MROH1: variants seen among roughly 807,000 people sequenced by gnomAD.
The protein encoded by MROH1 is maestro heat-like repeat-containing protein family member 1.
A neutral mutation model predicts 116.5 loss-of-function variants in MROH1; 117 were observed. The observed-to-expected ratio is 1.00, with a 90% CI of 0.86 to 1.17. The LOEUF (loss-of-function observed/expected upper bound fraction) is 1.17. Ranked by LOEUF, MROH1 falls within the 50% of genes most tolerant of loss-of-function variation. The pLI, the probability that MROH1 is intolerant of heterozygous loss-of-function variation, is 0.00. For missense variants in MROH1, 1,873 were observed against 1,338.5 expected, an observed-to-expected ratio of 1.40 and a Z score of -6.23; for synonymous variants, 921 against 583.9, an observed-to-expected ratio of 1.58 and a Z score of -8.32.
intron 3 of MROH1, among the ~76,000 whole-genome samples, chr8:144,165,422 A>T (rs545641116): frequency 1.2e-4 from 18 of 152,030 alleles, no homozygotes; most frequent in African/African-American, 4.3e-4. Flanking sequence ...CACAGCCCAC[A>T]CCCAGCCTAT....
chr8:144,208,473 CTG>C (rs1454403638), intron 12 of MROH1, among the ~76,000 whole-genome samples: 1 of 149,964 alleles, frequency 6.7e-6, no homozygotes, highest in Non-Finnish European at 1.5e-5. Flanking sequence ...GTGTGCCTGT[CTG>C]TATCCCTATA....
intron 13 of MROH1, among the ~76,000 whole-genome samples, chr8:144,222,164 G>A (rs147331105): frequency 6.6e-6 from 1 of 152,302 alleles, no homozygotes; most frequent in African/African-American, 2.4e-5. Context: ...GCCAGGGTGA[G>A]CCCCAGACGG....
Position 144,247,294 on chromosome 8 carries a change from C to G in MROH1, c.2872-7C>G. 1 of 768,916 alleles carries G rather than the reference C, an allele frequency of 1.3e-6. No individual in the cohort carries two copies. Among genetic ancestry groups the G allele is most frequent in the Non-Finnish European group, 2.4e-6 (1 of 416,676 alleles). 47.6% of individuals were successfully genotyped at this position (768,916 alleles called of 1,614,324 possible). ...CATTCTAATAGCCCAGGCATCTCCT[C>G]CTCCAGGCCCTGGTGCCCTTCCACA... On this transcript the variant is annotated splice_region_variant and splice_polypyrimidine_tract_variant and intron_variant, in intron 29 of 43. Coordinates refer to ENST00000326134, the MANE Select transcript of MROH1 (RefSeq NM_032450.3).
At chr8:144,179,610 C>T (rs986739631) in intron 5 of MROH1, 24 bp downstream of exon 5, 9 of 1,583,036 alleles carry the variant, frequency 5.7e-6, no homozygotes, top group Non-Finnish European at 7.7e-6. Flanking sequence ...CCTCTGGCCT[C>T]GCAGACTCAG....
chr8:144,176,089 G>T (rs1001581030), intron 4 of MROH1, among the ~76,000 whole-genome samples: 11 of 151,526 alleles, frequency 7.3e-5, no homozygotes, highest in African/African-American at 2.4e-4. Flanking sequence ...AGGGCTGGGT[G>T]CAGCGGCTCA....
At chr8:144,252,896 C>T (rs1292164383) in intron 33 of MROH1, among the ~76,000 whole-genome samples, 1 of 151,958 alleles carries the variant, frequency 6.6e-6, no homozygotes, top group Non-Finnish European at 1.5e-5. Flanking sequence ...GCGGAAGATG[C>T]AGTGAGCCAT....
chr8:144,244,903 TCCCTC>T (rs1841636236), intron 28 of MROH1, among the ~76,000 whole-genome samples: 2 of 152,176 alleles, frequency 1.3e-5, no homozygotes, highest in African/African-American at 4.8e-5. Flanking sequence ...CTCCACCCTG[TCCCTC>T]CACAGTCCTG....
chr8:144,230,802 CTTTTTTTTT>C (rs1161687289), intron 14 of MROH1, among the ~76,000 whole-genome samples: 2 of 68,618 alleles, frequency 2.9e-5, no homozygotes, highest in East Asian at 4.6e-4. Context: ...AAAAGGTTTT[CTTTTTTTTT>C]TTTTTTTTTT....
At chr8:144,243,774 C>G (rs1223106571) in intron 25 of MROH1, 89 bp from the exon 26 acceptor site, 2 of 741,646 alleles carry the variant, frequency 2.7e-6, no homozygotes, top group African/African-American at 3.4e-5. Flanking sequence ...TCGGGCCCCG[C>G]CTGTCACTTA....
chr8:144,186,748 C>G (rs1032555612), intron 7 of MROH1, among the ~76,000 whole-genome samples: 1 of 152,188 alleles, frequency 6.6e-6, no homozygotes, highest in Non-Finnish European at 1.5e-5. Flanking sequence ...TCACACTGAT[C>G]GACATAAGAA....
intron 12 of MROH1, among the ~76,000 whole-genome samples, chr8:144,217,570 A>C (rs1314047995): frequency 3.3e-5 from 5 of 152,176 alleles, no homozygotes; most frequent in Admixed American, 2.0e-4. Flanking sequence ...TGACTCTCAC[A>C]GGGACCAAAC....
chr8:144,211,632 C>G (rs1459223511), intron 12 of MROH1, among the ~76,000 whole-genome samples: 2 of 151,240 alleles, frequency 1.3e-5, no homozygotes, highest in Non-Finnish European at 2.9e-5. Flanking sequence ...GAGGCTGAGG[C>G]AGAGAATCGC....
In MROH1 at chr8:144,239,724, G is replaced by A. The variant is rs1022518590; in HGVS notation, c.1743G>A (p.Thr581=). The A allele has an allele frequency of 9.7e-6, 7 of 721,028 alleles. No homozygotes were observed. The highest frequency in any genetic ancestry group is 1.7e-5 in the African/African-American group (1 of 57,452). The allele number at this position is 721,028 out of a possible 1,614,324, so 44.7% of individuals were successfully genotyped here. A position where few individuals can be genotyped will look rare whatever the true frequency, so the allele number is the denominator to read the frequency against. Reference sequence around the variant, plus strand: ...CTTTGCTGGGTCAGCATTGGGAAACGACTGTCCCGCTGCTGCTGGGGTACC... The same window carrying A: ...CTTTGCTGGGTCAGCATTGGGAAACAACTGTCCCGCTGCTGCTGGGGTACC... ...IHPLLGQHWE[T]TVPLLLGYLD... Residue 581 remains threonine, a synonymous_variant, in exon 18 of 44, where the codon ACG becomes ACA. Coordinates refer to ENST00000326134, the MANE Select transcript of MROH1 (RefSeq NM_032450.3).
chr8:144,256,160 T>C (rs1554832903), intron 35 of MROH1, among the ~76,000 whole-genome samples: 1 of 152,034 alleles, frequency 6.6e-6, no homozygotes, highest in Non-Finnish European at 1.5e-5. Flanking sequence ...CCCAGGTGCC[T>C]GACATGAAGC....
chr8:144,165,254 G>T (rs1014444154), intron 3 of MROH1, among the ~76,000 whole-genome samples: 2 of 151,986 alleles, frequency 1.3e-5, no homozygotes, highest in African/African-American at 4.8e-5. Context: ...GAGCAGCTGG[G>T]ATTACAGGTG....
chr8:144,191,891 G>A, intron 9 of MROH1, 36 bp downstream of exon 9: 1 of 1,611,014 alleles, frequency 6.2e-7, no homozygotes, highest in Non-Finnish European at 8.5e-7. Flanking sequence ...TGTCCCCGAG[G>A]ACCCCTCCAA....
At position 144,163,563 on chromosome 8, in the gene MROH1, G is replaced by T. The variant is rs1820072988; in HGVS notation, c.-56-208G>T. Among the ~76,000 whole-genome samples the T allele has an allele frequency of 1.3e-5, 2 of 152,166 alleles. No homozygotes were observed. On this transcript the variant is annotated intron_variant, in intron 2 of 43. Transcript: ENST00000326134. The surrounding 1 kb of genome is among the most constrained non-coding windows in gnomAD (Gnocchi z 4.4). ...AGTGAGGTGCTGGTAGGGACTGATG[G>T]GTGCTCAGGGATGGAGGAGAGCTGG... is the stretch of plus-strand genomic sequence containing the variant.
Position 144,248,924 on chromosome 8 carries a change from A to G in MROH1, c.3168A>G (p.Leu1056=). 1 of 776,760 alleles carries G rather than the reference A, an allele frequency of 1.3e-6. No individual in the cohort carries two copies. The highest frequency in any genetic ancestry group is 2.4e-6 in the Non-Finnish European group (1 of 416,218). The allele number at this position is 776,760 out of a possible 1,614,324, so 48.1% of individuals were successfully genotyped here. ...LPPDQLISLL[L]TMFEALGDPE... is the part of the protein sequence containing the mutation. Reference sequence around the variant, plus strand: ...CAGACCAGCTCATCAGCCTCTTGCTAACCATGTTTGAGGCCCTGGGAGACC... The same window carrying G: ...CAGACCAGCTCATCAGCCTCTTGCTGACCATGTTTGAGGCCCTGGGAGACC... The change falls in exon 32 of 44, where the codon CTA becomes CTG. Residue 1056 remains leucine, a synonymous_variant. Transcript: ENST00000326134.
intron 1 of MROH1, among the ~76,000 whole-genome samples, chr8:144,150,906 T>G (rs1587678856): frequency 6.6e-6 from 1 of 152,084 alleles, no homozygotes; most frequent in African/African-American, 2.4e-5. Flanking sequence ...ATGTTACATT[T>G]CCCAAGACCA....
Sources: allele counts gnomAD v4.1 joint callset (sites outside exome capture counted in the v4.1 genomes callset), GRCh38; gene constraint gnomAD v4.1.1; non-coding constraint Gnocchi (gnomAD v3.1); transcripts MANE v1.5; gene names NCBI Gene and HGNC (gene_info 2026-07-23, HGNC 2026-07-21).